Variants in SPOCK1 observed in about 807,000 individuals in gnomAD.
SPOCK1 encodes testican-1.
A neutral mutation model predicts 55.3 loss-of-function variants in SPOCK1; 23 were observed. That is an observed-to-expected ratio of 0.42 (90% CI 0.30 to 0.59). SPOCK1 has a LOEUF of 0.59. Among genes scored for constraint, SPOCK1 ranks in the 20% least tolerant of loss-of-function variants. The pLI, the probability that SPOCK1 is intolerant of heterozygous loss-of-function variation, is 0.22. For synonymous variants in SPOCK1, 226 were observed against 221.0 expected, an observed-to-expected ratio of 1.02 and a Z score of -0.20; for missense variants, 499 against 552.5, an observed-to-expected ratio of 0.90 and a Z score of 0.97.
chr5:137,338,746 G>A (rs557588675), intron 2 of SPOCK1, among the ~76,000 whole-genome samples: 2 of 152,092 alleles, frequency 1.3e-5, no homozygotes, highest in African/African-American at 4.8e-5. Context: ...TTGTGGTTTT[G>A]ATTTGCATTT....
intron 2 of SPOCK1, among the ~76,000 whole-genome samples, chr5:137,488,114 C>A (rs1754097852): frequency 6.6e-6 from 1 of 152,182 alleles, no homozygotes; most frequent in East Asian, 1.9e-4. Flanking sequence ...CAGTGGCTCA[C>A]ACCTGTAACC....
intron 2 of SPOCK1, among the ~76,000 whole-genome samples, chr5:137,423,034 G>T (rs1040565681): frequency 1.3e-5 from 2 of 152,222 alleles, no homozygotes; most frequent in Admixed American, 1.3e-4. Context: ...GTCTGTTGGA[G>T]TTTGCTGGAG....
intron 2 of SPOCK1, among the ~76,000 whole-genome samples, chr5:137,301,636 C>CTTTTTTTT (rs34828127): frequency 7.7e-6 from 1 of 129,798 alleles, no homozygotes; most frequent in African/African-American, 3.0e-5. Flanking sequence ...ATTTCGTCTC[C>CTTTTTTTT]TTTTTTTTTT....
intron 2 of SPOCK1, among the ~76,000 whole-genome samples, chr5:137,464,389 A>T (rs909674711): frequency 6.6e-6 from 1 of 152,194 alleles, no homozygotes; most frequent in Admixed American, 6.5e-5. Context: ...GCATTCCTGT[A>T]TTAACATATT....
rs896298455 is a variant in SPOCK1, at chr5:137,380,799, A to G, written c.187-113744T>C. Among the ~76,000 whole-genome samples the G allele has an allele frequency of 3.3e-5, 5 of 152,136 alleles. No individual in the cohort carries two copies. In the East Asian group the frequency reaches 9.6e-4, roughly 29 times the overall value. ...GGGCAGAGACAAAAATCCAAACCATATTATTCCATCCCTGGCCCCTTCCAA... is the reference window on the plus strand; with the variant it reads ...GGGCAGAGACAAAAATCCAAACCATGTTATTCCATCCCTGGCCCCTTCCAA... On this transcript the variant is annotated intron_variant, in intron 2 of 10. Transcript: ENST00000394945.
chr5:137,396,699 T>C (rs1329453412), intron 2 of SPOCK1, among the ~76,000 whole-genome samples: 1 of 152,244 alleles, frequency 6.6e-6, no homozygotes, highest in Non-Finnish European at 1.5e-5. Context: ...TTAATTTTCC[T>C]AATAACCCTA....
At chr5:137,325,902 G>A (rs917020352) in intron 2 of SPOCK1, among the ~76,000 whole-genome samples, 23 of 152,158 alleles carry the variant, frequency 1.5e-4, no homozygotes, top group South Asian at 4.1e-4. Flanking sequence ...ACACATTCCA[G>A]GCAAAGGAAA....
intron 2 of SPOCK1, among the ~76,000 whole-genome samples, chr5:137,417,553 G>A (rs1383357413): frequency 6.6e-6 from 1 of 151,710 alleles, no homozygotes; most frequent in African/African-American, 2.4e-5. Context: ...TCCACTCCAG[G>A]CACTCACTGA....
intron 2 of SPOCK1, among the ~76,000 whole-genome samples, chr5:137,346,404 G>A (rs1349897830): frequency 6.6e-6 from 1 of 152,152 alleles, no homozygotes; most frequent in African/African-American, 2.4e-5. Context: ...ACTCTGCATT[G>A]TCTGACCCCA....
At chr5:137,276,985 T>C (rs562371117) in intron 2 of SPOCK1, among the ~76,000 whole-genome samples, 8 of 152,284 alleles carry the variant, frequency 5.3e-5, no homozygotes, top group Admixed American at 2.0e-4. Context: ...GTAATAGTAA[T>C]ATTAATAGTA....
intron 2 of SPOCK1, among the ~76,000 whole-genome samples, chr5:137,494,831 A>C (rs1490672600): frequency 6.6e-6 from 1 of 152,240 alleles, no homozygotes; most frequent in East Asian, 1.9e-4. Flanking sequence ...TGAACAGAGG[A>C]AAATTTCCTT....
At chr5:137,313,423 C>G in intron 2 of SPOCK1, 8 of 985,430 alleles carry the variant, frequency 8.1e-6, no homozygotes, top group Non-Finnish European at 9.6e-6. Flanking sequence ...CAGAAAGTGT[C>G]TTACCTGCTG....
chr5:137,322,429 G>T (rs1023680290), intron 2 of SPOCK1, among the ~76,000 whole-genome samples: 1 of 151,224 alleles, frequency 6.6e-6, no homozygotes, highest in African/African-American at 2.4e-5. Flanking sequence ...CTCTAACAAT[G>T]GTAGGTAAAT....
intron 3 of SPOCK1, among the ~76,000 whole-genome samples, chr5:137,185,612 A>T (rs1484274073): frequency 2.6e-5 from 4 of 152,328 alleles, no homozygotes; most frequent in African/African-American, 7.2e-5. Context: ...CCTAAGTCTT[A>T]ATAAAATAAA....
chr5:137,214,830 T>C (rs1755685124), intron 3 of SPOCK1, among the ~76,000 whole-genome samples: 1 of 152,190 alleles, frequency 6.6e-6, no homozygotes, highest in Admixed American at 6.5e-5. Flanking sequence ...GTATATCAAA[T>C]CATGATCAGT....
At chr5:137,286,909 AT>A (rs1757278364) in intron 2 of SPOCK1, among the ~76,000 whole-genome samples, 1 of 152,250 alleles carries the variant, frequency 6.6e-6, no homozygotes, top group African/African-American at 2.4e-5. Context: ...CACAAATTCT[AT>A]TCAGTTCAAC....
chr5:137,263,387 T>C lies in SPOCK1; in HGVS notation c.232+3623A>G, dbSNP rs145193897. Reference sequence around the variant, plus strand: ...TCCCCACTGAGAAGCACTAACCTCATATGCGCTCCTGAGTTTGTCAGGCGC... The same window carrying C: ...TCCCCACTGAGAAGCACTAACCTCACATGCGCTCCTGAGTTTGTCAGGCGC... On this transcript the variant is annotated intron_variant, in intron 3 of 10. Transcript: ENST00000394945. 4.1e-3 allele frequency among the ~76,000 whole-genome samples: 623 copies of C among 152,240 alleles called. 4 individuals are homozygous for C. The highest frequency in any genetic ancestry group is 5.3e-3 in the Admixed American group (81 of 15,298).
intron 2 of SPOCK1, among the ~76,000 whole-genome samples, chr5:137,318,398 C>G (rs1757921125): frequency 6.6e-6 from 1 of 152,134 alleles, no homozygotes; most frequent in Admixed American, 6.5e-5. Flanking sequence ...GCTCTATTGT[C>G]TAGAATGTCA....
At position 137,435,410 on chromosome 5, in the gene SPOCK1, CT is replaced by C. The variant is rs150796987; in HGVS notation, c.186+62962del. 3.0e-3 allele frequency among the ~76,000 whole-genome samples: 451 copies of C among 152,284 alleles called. 9 individuals are homozygous for C. In the East Asian group the frequency reaches 0.056, roughly 19 times the overall value. ...TAATAAATAGCTCAAATTTAAAACT[CT>C]TTTCTTTCCTTTCCAACAGCATTAC... On this transcript the variant is annotated intron_variant, in intron 2 of 10. Transcript: ENST00000394945.
Sources: gnomAD v4.1 joint callset for allele counts (sites outside exome capture counted in the v4.1 genomes callset) on GRCh38, gnomAD v4.1.1 for gene constraint, MANE v1.5 for transcripts, NCBI Gene and HGNC (gene_info 2026-07-23, HGNC 2026-07-21) for gene names.